The following ZNF316 variants were observed in gnomAD, a reference collection of about 807,000 sequenced individuals.
ZNF316 encodes the protein zinc finger protein 316.
Under a neutral mutation model 75.6 loss-of-function variants are expected in ZNF316, and 23 were observed. The ratio of observed to expected loss-of-function variants is 0.30; its 90% confidence interval spans 0.22 to 0.43. The LOEUF (loss-of-function observed/expected upper bound fraction) is 0.43, where lower values mean the gene tolerates loss of function less well. ZNF316 is among the 20% of genes least tolerant of loss of function. The pLI is 1.00. For synonymous variants in ZNF316, 827 were observed against 666.2 expected (o/e 1.24, Z -3.72); for missense variants, 1,266 against 1,409.4 (o/e 0.90, Z 1.63).
chr7:6,653,483 G>T lies in ZNF316; in HGVS notation c.1887G>T (p.Gly629=), dbSNP rs181376207. Residue 629 remains glycine (G), a synonymous_variant, in exon 9 of 9, where the codon GGG becomes GGT. Transcript: ENST00000382252. ...TCCGAGAGCGGCTGCCGGTCGACGG[G>T]CGCCCGCTCCCGGCGCCCCTGGGGG... ...PDFRERLPVD[G]RPLPAPLGGP... is the part of the protein sequence containing the mutation. 6.4e-3 allele frequency: 7,904 copies of T among 1,225,570 alleles called. 398 individuals carry two copies. In the African/African-American group the frequency reaches 0.11, roughly 17 times the overall value. 75.9% of individuals were successfully genotyped at this position (1,225,570 alleles called of 1,614,324 possible).
At chr7:6,646,758 G>A (rs962859992) in intron 8 of ZNF316, among the ~76,000 whole-genome samples, 1 of 152,150 alleles carries the variant, frequency 6.6e-6, no homozygotes, top group African/African-American at 2.4e-5. Flanking sequence ...CGGCTGAGCT[G>A]GTTGAGATCG....
chr7:6,643,385 G>T (rs1779345543), intron 6 of ZNF316, among the ~76,000 whole-genome samples: 1 of 152,246 alleles, frequency 6.6e-6, no homozygotes, highest in Non-Finnish European at 1.5e-5. Flanking sequence ...CTCACCTGGA[G>T]TGCCTGTCAC....
chr7:6,656,403 C>G lies in ZNF316; in HGVS notation c.*1792C>G, dbSNP rs1779628470. On this transcript the variant is annotated 3_prime_UTR_variant, in exon 9 of 9. Coordinates refer to ENST00000382252, the MANE Select transcript of ZNF316 (RefSeq NM_001278559.2). Reference sequence around the variant, plus strand: ...GTCCTGCAGCTGTCAGCAGGAGGGCCTGGCTTTAATAAAGAGTGGACAAAC... The same window carrying G: ...GTCCTGCAGCTGTCAGCAGGAGGGCGTGGCTTTAATAAAGAGTGGACAAAC... The G allele has an allele frequency of 6.6e-6, 1 of 152,240 alleles. No homozygotes were observed. The highest frequency in any genetic ancestry group is 2.1e-4 in the South Asian group (1 of 4,830). The allele number at this position is 152,240 out of a possible 1,614,324, so 9.4% of individuals were successfully genotyped here.
chr7:6,643,775 T>G, intron 6 of ZNF316, 47 bp from the exon 7 acceptor site: 1 of 1,232,084 alleles, frequency 8.1e-7, no homozygotes, highest in Non-Finnish European at 1.0e-6. Flanking sequence ...CCGTGGCTCT[T>G]TGTAAAGGGC....
intron 8 of ZNF316, among the ~76,000 whole-genome samples, chr7:6,648,885 G>A (rs926816022): frequency 3.3e-5 from 5 of 152,100 alleles, no homozygotes; most frequent in Admixed American, 3.3e-4. Flanking sequence ...AGCCTCTAAA[G>A]ACGCCACTCA....
intron 3 of ZNF316, among the ~76,000 whole-genome samples, chr7:6,641,252 T>G (rs1477702474): frequency 6.6e-6 from 1 of 152,234 alleles, no homozygotes; most frequent in Non-Finnish European, 1.5e-5. Flanking sequence ...CCAAGTGGCC[T>G]GACATTCCAG....
In ZNF316 at chr7:6,656,705, T is replaced by C. The variant is rs1172316560; in HGVS notation, c.*2094T>C. Among the ~76,000 whole-genome samples the C allele has an allele frequency of 6.6e-6, 1 of 152,058 alleles. No individual in the cohort carries two copies. The highest frequency in any genetic ancestry group is 1.5e-5 in the Non-Finnish European group (1 of 68,006). On this transcript the variant is annotated 3_prime_UTR_variant, in exon 9 of 9. Transcript: ENST00000382252. ...CTTGGGGCATTACTTTTTGTGAATATGTTGGCCAGGCTTCCAGAGGCCAGA... is the reference window on the plus strand; with the variant it reads ...CTTGGGGCATTACTTTTTGTGAATACGTTGGCCAGGCTTCCAGAGGCCAGA...
In ZNF316 at chr7:6,654,548, C is replaced by T. The variant is rs1486167235; in HGVS notation, c.2952C>T (p.Phe984=). Residue 984 remains phenylalanine, a synonymous_variant, in exon 9 of 9, where the codon TTC becomes TTT. Transcript: ENST00000382252. Reference sequence around the variant, plus strand: ...TGGAGTTCGCGGGCGGCACAAGCTTCGGCTCCGAGCACCAGGCCGCGTTCG... The same window carrying T: ...TGGAGTTCGCGGGCGGCACAAGCTTTGGCTCCGAGCACCAGGCCGCGTTCG... ...ALLEFAGGTS[F]GSEHQAAFAG... The T allele has an allele frequency of 1.7e-6, 2 of 1,184,600 alleles. No individual in the cohort carries two copies. Among genetic ancestry groups the T allele is most frequent in the Admixed American group, 4.5e-5 (1 of 22,054 alleles). 73.4% of individuals were successfully genotyped at this position (1,184,600 alleles called of 1,614,324 possible).
chr7:6,653,260 A>G lies in ZNF316; in HGVS notation c.1664A>G (p.Glu555Gly), dbSNP rs1380494038. ...ADGEAEAAAE[E>G]REEAAVAAPT... is the part of the protein sequence containing the mutation. ...GGAGAGGCGGAGGCCGCGGCCGAGG[A>G]GAGAGAGGAGGCGGCGGTGGCGGCG... The change falls in exon 9 of 9, where the codon GAG becomes GGG. Residue 555 changes from glutamate to glycine, a missense_variant. By Grantham distance (98) the Glu-to-Gly change is moderately conservative. This residue lies in a region of ZNF316 where 961 missense variants were observed against 990.9 expected (regional missense o/e 0.97). Transcript: ENST00000382252. 12 of 1,226,998 alleles carry G rather than the reference A, an allele frequency of 9.8e-6. No homozygotes were observed. In the East Asian group the frequency reaches 1.6e-4, roughly 16 times the overall value. 76.0% of individuals were successfully genotyped at this position (1,226,998 alleles called of 1,614,324 possible). A position where few individuals can be genotyped will look rare whatever the true frequency, so the allele number is the denominator to read the frequency against.
rs1262530863 is a variant in ZNF316, at chr7:6,657,949, C to G, written c.*3338C>G. ...AAAATACCCTCCCCCATCCAATGGTCATAGGAAAAAAAGTAGACACCCTTT... is the reference window on the plus strand; with the variant it reads ...AAAATACCCTCCCCCATCCAATGGTGATAGGAAAAAAAGTAGACACCCTTT... On this transcript the variant is annotated 3_prime_UTR_variant, in exon 9 of 9. Transcript: ENST00000382252. Among the ~76,000 whole-genome samples the G allele has an allele frequency of 1.3e-5, 2 of 150,740 alleles. No individual in the cohort carries two copies. The highest frequency in any genetic ancestry group is 4.9e-5 in the African/African-American group (2 of 41,008).
Position 6,642,745 on chromosome 7 carries a change from C to T in ZNF316, c.336C>T (p.Ser112=). ...TTAGCCGTGGTGGTGATGCCAAGTC[C>T]CCAGTTCTTCAGGAAAAGGGTAAGA... is the stretch of plus-strand genomic sequence containing the variant. ...ERLSRGGDAK[S]PVLQEKGLQA... is the part of the protein sequence containing the mutation. Residue 112 remains serine, a synonymous_variant, in exon 5 of 9, where the codon TCC becomes TCT. Coordinates refer to ENST00000382252, the MANE Select transcript of ZNF316 (RefSeq NM_001278559.2). This position sits in a 1 kb window ranked among gnomAD's most constrained non-coding sequence, Gnocchi z 8.1. The T allele has an allele frequency of 1.6e-6, 2 of 1,233,492 alleles. No homozygotes were observed. Among genetic ancestry groups the T allele is most frequent in the Non-Finnish European group, 2.0e-6 (2 of 989,082 alleles). 76.4% of individuals were successfully genotyped at this position (1,233,492 alleles called of 1,614,324 possible). A position where few individuals can be genotyped will look rare whatever the true frequency, so the allele number is the denominator to read the frequency against.
chr7:6,652,491 C>T lies in ZNF316; in HGVS notation c.895C>T (p.Pro299Ser), dbSNP rs1779525222. The change falls in exon 9 of 9, where the codon CCC becomes TCC. Residue 299 changes from proline to serine, a missense_variant. Physicochemically the swap from Pro to Ser is moderately conservative, Grantham distance 74. Around this residue, in one of 3 missense-constraint regions of ZNF316, gnomAD observed 961 missense variants for 990.9 expected, o/e 0.97. Transcript: ENST00000382252. ...DSAQTPEGWG[P>S]DPGGLGVLAD... is the part of the protein sequence containing the mutation. ...GGCGCAGACTCCAGAGGGGTGGGGA[C>T]CCGACCCAGGCGGCCTGGGGGTCCT... is the stretch of plus-strand genomic sequence containing the variant. 1.1e-5 allele frequency: 13 copies of T among 1,231,344 alleles called. No homozygotes were observed. Among genetic ancestry groups the T allele is most frequent in the African/African-American group, 4.7e-5 (3 of 64,380 alleles). 76.3% of individuals were successfully genotyped at this position (1,231,344 alleles called of 1,614,324 possible).
intron 8 of ZNF316, among the ~76,000 whole-genome samples, chr7:6,651,143 A>G (rs936321578): frequency 6.6e-6 from 1 of 151,982 alleles, no homozygotes; most frequent in African/African-American, 2.4e-5. Context: ...TGAGGTCAGG[A>G]GTTTGAGACT....
Position 6,654,095 on chromosome 7 carries a change from C to T in ZNF316, c.2499C>T (p.Cys833=), listed in dbSNP as rs1779571473. 9.9e-6 allele frequency: 12 copies of T among 1,217,974 alleles called. No homozygotes were observed. Among genetic ancestry groups the T allele is most frequent in the Middle Eastern group, 3.2e-4 (1 of 3,118 alleles). 75.4% of individuals were successfully genotyped at this position (1,217,974 alleles called of 1,614,324 possible). The change falls in exon 9 of 9, where the codon TGC becomes TGT. Residue 833 remains cysteine, a synonymous_variant. Coordinates refer to ENST00000382252, the MANE Select transcript of ZNF316 (RefSeq NM_001278559.2). ...WAHAEEKPHR[C]PDCGKGFGHS... Reference sequence around the variant, plus strand: ...ACGCCGAGGAGAAGCCGCACCGCTGCCCCGACTGCGGCAAGGGCTTCGGCC... The same window carrying T: ...ACGCCGAGGAGAAGCCGCACCGCTGTCCCGACTGCGGCAAGGGCTTCGGCC...
rs550347396 is a variant in ZNF316, at chr7:6,638,615, T to C, written c.-266-427T>C. ...TCTAAATGTTGGCTGCAGCACCGTA[T>C]CCTAGAGTGCAGGGCCCTAGTAGAA... On this transcript the variant is annotated intron_variant, in intron 2 of 8. Coordinates refer to ENST00000382252, the MANE Select transcript of ZNF316 (RefSeq NM_001278559.2). 3.3e-5 allele frequency among the ~76,000 whole-genome samples: 5 copies of C among 152,100 alleles called. No homozygotes were observed. In the South Asian group the frequency reaches 6.2e-4, roughly 19 times the overall value.
intron 6 of ZNF316, among the ~76,000 whole-genome samples, chr7:6,643,466 C>T (rs1390410131): frequency 1.3e-5 from 2 of 152,222 alleles, no homozygotes; most frequent in African/African-American, 4.8e-5. Flanking sequence ...TTAGTTGCTG[C>T]TGCTTGTCCA....
rs769819598 is a variant in ZNF316 at position 6,657,720 on chromosome 7, G to A, written c.*3109G>A. Among the ~76,000 whole-genome samples, 11 of 149,364 alleles carry A rather than the reference G, an allele frequency of 7.4e-5. No individual in the cohort carries two copies. The highest frequency in any genetic ancestry group is 1.2e-4 in the Non-Finnish European group (8 of 67,692). On this transcript the variant is annotated 3_prime_UTR_variant, in exon 9 of 9. Transcript: ENST00000382252. ...AAATTAGCTGGGTGTGGTGGCGCAC[G>A]TCTATAGTCCCAGCTACTCTGGAGG...
In ZNF316 at chr7:6,638,365, A is replaced by G. The variant is rs1324878021; in HGVS notation, c.-267+356A>G. 5.9e-5 allele frequency among the ~76,000 whole-genome samples: 9 copies of G among 152,296 alleles called. No homozygotes were observed. The East Asian group carries it at 1.7e-3, about 29-fold the overall frequency. The stretch of plus-strand genomic sequence containing the variant: ...TGGTGGTCGGGGAAGGAAGTCCTTC[A>G]GGAGGGCATGAAGACCCGAAGGGCT... On this transcript the variant is annotated intron_variant, in intron 2 of 8. Coordinates refer to ENST00000382252, the MANE Select transcript of ZNF316 (RefSeq NM_001278559.2).
chr7:6,643,965 T>C lies in ZNF316; in HGVS notation c.592+17T>C. ...TGTCCTTGGGTAAGGACGGGACCTT[T>C]TGTCCCCAAGAGGCAGCCTGGTGTG... On this transcript the variant is annotated intron_variant, in intron 7 of 8. Transcript: ENST00000382252. The C allele has an allele frequency of 1.6e-6, 2 of 1,232,274 alleles. No individual in the cohort carries two copies. The highest frequency in any genetic ancestry group is 2.0e-6 in the Non-Finnish European group (2 of 988,058). 76.3% of individuals were successfully genotyped at this position (1,232,274 alleles called of 1,614,324 possible).
Sources: gnomAD v4.1 joint callset for allele counts (sites outside exome capture counted in the v4.1 genomes callset) on GRCh38, gnomAD v4.1.1 for gene constraint, gnomAD v4.1.1 regional missense constraint, Gnocchi (gnomAD v3.1) non-coding constraint, MANE v1.5 for transcripts, NCBI Gene and HGNC (gene_info 2026-07-23, HGNC 2026-07-21) for gene names.